Variants in CDK17 observed in about 807,000 individuals in gnomAD.
CDK17 encodes the protein cyclin dependent kinase 17.
In CDK17, 24 loss-of-function variants were observed where a neutral mutation model predicts 77.6. The observed-to-expected ratio is 0.31, with a 90% confidence interval of 0.22 to 0.44. The LOEUF is 0.44. Ranked by LOEUF, CDK17 falls within the 20% of genes least tolerant of loss-of-function variation. The pLI is 1.00. For missense variants in CDK17, 429 were observed against 622.5 expected (o/e 0.69, Z 3.31); for synonymous variants, 203 against 210.4 (o/e 0.96, Z 0.30).
intron 1 of CDK17, among the ~76,000 whole-genome samples, chr12:96,370,153 T>C (rs1204373822): frequency 3.3e-5 from 5 of 152,232 alleles, no homozygotes; most frequent in Admixed American, 3.3e-4. Flanking sequence ...CCAAAATGTA[T>C]GTGAGAAAAT....
chr12:96,313,500 T>TTAGA, intron 3 of CDK17, 46 bp from the exon 4 acceptor site: 11 of 1,057,876 alleles, frequency 1.0e-5, no homozygotes, highest in Middle Eastern at 2.7e-4. Context: ...TATATTCTAA[T>TTAGA]ATATAATTTA....
chr12:96,377,702 T>C (rs1474817702), intron 1 of CDK17, among the ~76,000 whole-genome samples: 10 of 150,100 alleles, frequency 6.7e-5, no homozygotes, highest in African/African-American at 2.5e-4. Flanking sequence ...TTCGTTTTTT[T>C]TTTTTTTTTG....
At chr12:96,348,430 A>G (rs1953259011) in intron 1 of CDK17, among the ~76,000 whole-genome samples, 2 of 148,578 alleles carry the variant, frequency 1.3e-5, no homozygotes, top group South Asian at 4.4e-4. Context: ...AGGCTGAGGC[A>G]GGAGAACTGC....
At chr12:96,368,368 T>C (rs1265924190) in intron 1 of CDK17, among the ~76,000 whole-genome samples, 1 of 152,202 alleles carries the variant, frequency 6.6e-6, no homozygotes, top group Non-Finnish European at 1.5e-5. Flanking sequence ...GAGGTTATCC[T>C]GAGGTCAGGA....
chr12:96,355,100 G>C (rs976289900), intron 1 of CDK17, among the ~76,000 whole-genome samples: 3 of 152,120 alleles, frequency 2.0e-5, no homozygotes, highest in African/African-American at 7.2e-5. Flanking sequence ...ATGAGGTCCT[G>C]ATAAGCCTCA....
intron 10 of CDK17, among the ~76,000 whole-genome samples, chr12:96,293,100 C>T (rs922093461): frequency 6.6e-6 from 1 of 152,102 alleles, no homozygotes; most frequent in Non-Finnish European, 1.5e-5. Context: ...TTAAAAACAC[C>T]ACCCTTTATA....
chr12:96,399,876 C>T (rs935325367), intron 1 of CDK17, 110 bp downstream of exon 1: 2 of 291,472 alleles, frequency 6.9e-6, no homozygotes, highest in Non-Finnish European at 1.3e-5. Flanking sequence ...CCTGAGCCAC[C>T]CGCGCCCCCA....
chr12:96,289,372 G>A lies in CDK17; in HGVS notation c.998-85C>T. 2.7e-6 allele frequency: 4 copies of A among 1,459,448 alleles called. No individual in the cohort carries two copies. The South Asian group carries it at 4.7e-5, about 17-fold the overall frequency. 90.4% of individuals were successfully genotyped at this position (1,459,448 alleles called of 1,614,324 possible). On this transcript the variant is annotated intron_variant, in intron 10 of 16. Transcript: ENST00000261211. ...TATTCTCACCATGACTCCATTCAAAGGGATGCCTGAAATGGTTAATTCGTA... is the reference window on the plus strand; with the variant it reads ...TATTCTCACCATGACTCCATTCAAAAGGATGCCTGAAATGGTTAATTCGTA...
At chr12:96,367,373 A>G (rs1953605384) in intron 1 of CDK17, among the ~76,000 whole-genome samples, 1 of 128,956 alleles carries the variant, frequency 7.8e-6, no homozygotes, top group Non-Finnish European at 1.7e-5. Context: ...AAAAAAAAAG[A>G]AATCTTATAA....
At chr12:96,336,846 A>G (rs1363305152) in intron 1 of CDK17, among the ~76,000 whole-genome samples, 2 of 152,170 alleles carry the variant, frequency 1.3e-5, no homozygotes, top group African/African-American at 2.4e-5. Context: ...CCACCTCAGC[A>G]TCTATTTTCA....
chr12:96,385,558 A>G (rs570128725), intron 1 of CDK17, among the ~76,000 whole-genome samples: 32 of 152,302 alleles, frequency 2.1e-4, no homozygotes, highest in African/African-American at 7.5e-4. Context: ...ATGAGAAGTA[A>G]TAATTATCAA....
chr12:96,366,484 AAAC>A (rs1953584791), intron 1 of CDK17, among the ~76,000 whole-genome samples: 1 of 152,218 alleles, frequency 6.6e-6, no homozygotes, highest in Non-Finnish European at 1.5e-5. Flanking sequence ...TATCTAGGAC[AAAC>A]AGACATCAAG....
At chr12:96,390,708 CAAAAAAAAA>C (rs71097285) in intron 1 of CDK17, among the ~76,000 whole-genome samples, 2 of 43,532 alleles carry the variant, frequency 4.6e-5, no homozygotes, top group East Asian at 1.3e-3. Context: ...GACTCCATCT[CAAAAAAAAA>C]AAAAAAAAAA....
chr12:96,393,656 C>G (rs1954112813), intron 1 of CDK17, among the ~76,000 whole-genome samples: 1 of 152,024 alleles, frequency 6.6e-6, no homozygotes, highest in South Asian at 2.1e-4. Context: ...ATCACTGGAG[C>G]CCCAGAGATC....
At chr12:96,295,489 T>A (rs1208112576) in intron 9 of CDK17, 1 of 151,912 alleles carries the variant, frequency 6.6e-6, no homozygotes, top group Non-Finnish European at 1.5e-5. Flanking sequence ...AATTATAAAA[T>A]TCTGGCAAAA....
intron 1 of CDK17, among the ~76,000 whole-genome samples, chr12:96,382,981 T>C (rs951562920): frequency 7.9e-5 from 12 of 152,126 alleles, no homozygotes; most frequent in Admixed American, 2.0e-4. Flanking sequence ...CATCAAATTA[T>C]CTCTCTGCAG....
At chr12:96,354,732 A>G (rs1312372584) in intron 1 of CDK17, among the ~76,000 whole-genome samples, 3 of 152,032 alleles carry the variant, frequency 2.0e-5, no homozygotes, top group African/African-American at 7.2e-5. Flanking sequence ...AAAAAATTAA[A>G]AATTAGCCAG....
intron 2 of CDK17, among the ~76,000 whole-genome samples, chr12:96,325,945 G>T (rs190315406): frequency 6.6e-6 from 1 of 152,252 alleles, no homozygotes; most frequent in Admixed American, 6.5e-5. Flanking sequence ...GATCACTTGT[G>T]CCCAGGAGTT....
intron 2 of CDK17, among the ~76,000 whole-genome samples, chr12:96,328,631 T>A (rs1041389436): frequency 6.6e-6 from 1 of 152,164 alleles, no homozygotes; most frequent in African/African-American, 2.4e-5. Context: ...ACTGGTTAAG[T>A]GAGCAAAGTT....
Sources: gnomAD v4.1 joint callset for allele counts (sites outside exome capture counted in the v4.1 genomes callset) on GRCh38, gnomAD v4.1.1 for gene constraint, MANE v1.5 for transcripts, NCBI Gene and HGNC (gene_info 2026-07-23, HGNC 2026-07-21) for gene names.